Variants in ZNF532 observed in about 807,000 individuals in gnomAD.
ZNF532 encodes the protein zinc finger protein 532.
Under a neutral mutation model 89.3 loss-of-function variants are expected in ZNF532, and 22 were observed. The ratio of observed to expected loss-of-function variants is 0.25; its 90% CI spans 0.18 to 0.35. ZNF532 has a LOEUF of 0.35. Among genes scored for constraint, ZNF532 ranks in the 10% least tolerant of loss-of-function variants. The pLI is 1.00. For synonymous variants in ZNF532, 606 were observed against 649.6 expected, an observed-to-expected ratio of 0.93 and a Z score of 1.02; for missense variants, 1,132 against 1,643.4, an observed-to-expected ratio of 0.69 and a Z score of 5.38.
intron 2 of ZNF532, among the ~76,000 whole-genome samples, chr18:58,872,726 GT>G (rs1437905412): frequency 7.0e-6 from 1 of 143,212 alleles, no homozygotes; most frequent in Non-Finnish European, 1.5e-5. Flanking sequence ...TTGAGACCGA[GT>G]TTTGCTGTGT....
At chr18:58,940,971 CT>C in intron 5 of ZNF532, among the ~76,000 whole-genome samples, 1 of 145,548 alleles carries the variant, frequency 6.9e-6, no homozygotes, top group Non-Finnish European at 1.5e-5. Context: ...CTTTCTCTCT[CT>C]CTCTCTCTCT....
At chr18:58,910,578 C>A (rs1202235387) in intron 2 of ZNF532, among the ~76,000 whole-genome samples, 1 of 151,554 alleles carries the variant, frequency 6.6e-6, no homozygotes, top group African/African-American at 2.4e-5. Context: ...ACGATTTTGC[C>A]GCTTCAGCCT....
At chr18:58,959,379 C>T (rs1370622535) in intron 7 of ZNF532, among the ~76,000 whole-genome samples, 1 of 149,834 alleles carries the variant, frequency 6.7e-6, no homozygotes, top group Admixed American at 6.7e-5. Flanking sequence ...CTTAAGCAGT[C>T]CTCCCGAGTA....
intron 5 of ZNF532, among the ~76,000 whole-genome samples, chr18:58,943,974 T>C (rs1308722891): frequency 2.6e-5 from 4 of 152,200 alleles, no homozygotes; most frequent in Admixed American, 2.6e-4. Context: ...AATAGCAGCA[T>C]GAGAGAGGAG....
intron 6 of ZNF532, among the ~76,000 whole-genome samples, chr18:58,949,448 C>T (rs1325071098): frequency 1.3e-5 from 2 of 152,148 alleles, no homozygotes; most frequent in South Asian, 2.1e-4. Flanking sequence ...CCTGTAATCC[C>T]AGCACTTTGG....
intron 5 of ZNF532, chr18:58,939,826 C>T (rs2062823641): frequency 2.4e-6 from 1 of 417,876 alleles, no homozygotes; most frequent in Non-Finnish European, 4.2e-6. Flanking sequence ...AAAACGTTAC[C>T]TATTATTTAT....
At chr18:58,941,324 C>A (rs2063000548) in intron 5 of ZNF532, among the ~76,000 whole-genome samples, 1 of 151,970 alleles carries the variant, frequency 6.6e-6, no homozygotes, top group African/African-American at 2.4e-5. Context: ...ATTTGATTGT[C>A]AGAAATGTGT....
chr18:58,881,256 C>T (rs1326957000), intron 2 of ZNF532, among the ~76,000 whole-genome samples: 2 of 151,994 alleles, frequency 1.3e-5, no homozygotes, highest in Non-Finnish European at 2.9e-5. Flanking sequence ...CTCAGCCTTC[C>T]AAGTAGCTGG....
At chr18:58,948,010 G>A in intron 5 of ZNF532, 57 bp from the exon 6 acceptor site, 1 of 1,528,522 alleles carries the variant, frequency 6.5e-7, no homozygotes. Context: ...TAAAGTAGCA[G>A]ATCCTTTGAC....
intron 2 of ZNF532, among the ~76,000 whole-genome samples, chr18:58,910,771 G>A (rs1014071228): frequency 1.3e-5 from 2 of 152,034 alleles, no homozygotes; most frequent in Non-Finnish European, 2.9e-5. Context: ...CGCCGCACCT[G>A]GCCTGAAATT....
At chr18:58,978,885 T>G (rs57967965) in intron 7 of ZNF532, among the ~76,000 whole-genome samples, 170 bp from the exon 8 acceptor site, 11,905 of 152,256 alleles carry the variant, frequency 0.078, 1,027 homozygotes, top group African/African-American at 0.22. Context: ...CTGTGACCCG[T>G]CACATGAGGT....
At chr18:58,965,079 TTACTA>T (rs2065789609) in intron 7 of ZNF532, among the ~76,000 whole-genome samples, 1 of 151,764 alleles carries the variant, frequency 6.6e-6, no homozygotes, top group Admixed American at 6.6e-5. Flanking sequence ...TTAGTATGGT[TTACTA>T]TATGTAGTTT....
chr18:58,927,627 A>G (rs1198832336), intron 3 of ZNF532, among the ~76,000 whole-genome samples: 1 of 151,958 alleles, frequency 6.6e-6, no homozygotes, highest in Admixed American at 6.6e-5. Flanking sequence ...TGTTTTATAT[A>G]TAATGTTCAG....
chr18:58,909,143 G>A (rs1208571589), intron 2 of ZNF532, among the ~76,000 whole-genome samples: 1 of 152,148 alleles, frequency 6.6e-6, no homozygotes, highest in Non-Finnish European at 1.5e-5. Context: ...AGTAGAGACA[G>A]GGTTTCTCCA....
intron 7 of ZNF532, among the ~76,000 whole-genome samples, chr18:58,963,162 T>C (rs975529252): frequency 6.6e-6 from 1 of 152,346 alleles, no homozygotes; most frequent in East Asian, 1.9e-4. Flanking sequence ...TCTCTGGATG[T>C]TGGATTTACA....
In ZNF532 at chr18:58,876,208, A is replaced by G. The variant is rs994719302; in HGVS notation, c.-18+10629A>G. Among the ~76,000 whole-genome samples the G allele has an allele frequency of 3.9e-5, 6 of 152,042 alleles. No individual in the cohort carries two copies. The South Asian group carries it at 1.2e-3, about 32-fold the overall frequency. On this transcript the variant is annotated intron_variant, in intron 2 of 9. Coordinates refer to ENST00000591808, the MANE Select transcript of ZNF532 (RefSeq NM_001375912.1). The stretch of plus-strand genomic sequence containing the variant: ...CTCGGCCTCCCAAAGTGCTGGGATT[A>G]CAGGCGTGAGCCACCGCGCCCAGCC...
intron 2 of ZNF532, among the ~76,000 whole-genome samples, chr18:58,910,503 A>T (rs2060213017): frequency 6.6e-6 from 1 of 151,992 alleles, no homozygotes; most frequent in Non-Finnish European, 1.5e-5. Context: ...GTCTCGCTTC[A>T]TCACTCAGGC....
intron 7 of ZNF532, among the ~76,000 whole-genome samples, chr18:58,970,676 T>G (rs1257332741): frequency 6.6e-6 from 1 of 152,214 alleles, no homozygotes; most frequent in East Asian, 1.9e-4. Context: ...TAATGAGGAT[T>G]AATAAAGATG....
intron 7 of ZNF532, among the ~76,000 whole-genome samples, chr18:58,972,076 C>CGT (rs1470688899): frequency 6.6e-6 from 1 of 152,200 alleles, no homozygotes; most frequent in Non-Finnish European, 1.5e-5. Context: ...TGGTGGTACA[C>CGT]ACCTGCAGTC....
Sources: gnomAD v4.1 joint callset for allele counts (sites outside exome capture counted in the v4.1 genomes callset) on GRCh38, gnomAD v4.1.1 for gene constraint, MANE v1.5 for transcripts, NCBI Gene and HGNC (gene_info 2026-07-23, HGNC 2026-07-21) for gene names.